Variants in ZNF688 observed in about 807,000 individuals in gnomAD.
The protein encoded by ZNF688 is zinc finger protein 688.
A neutral mutation model predicts 13.2 loss-of-function variants in ZNF688; 10 were observed. The ratio of observed to expected loss-of-function variants is 0.76; its 90% CI spans 0.47 to 1.28. The LOEUF (loss-of-function observed/expected upper bound fraction) is 1.28, where lower values mean the gene tolerates loss of function less well. Among genes scored for constraint, ZNF688 ranks in the 50% most tolerant of loss-of-function variants. ZNF688 has a pLI of 0.00. For missense variants in ZNF688, 381 were observed against 391.4 expected, an observed-to-expected ratio of 0.97 and a Z score of 0.22; for synonymous variants, 160 against 159.4, an observed-to-expected ratio of 1.00 and a Z score of -0.03.
rs747075660 is a variant in ZNF688 at position 30,571,490 on chromosome 16, T to G, written c.140A>C (p.Gln47Pro). Residue 47 changes from glutamine to proline, a missense_variant, in exon 1 of 3, where the codon CAG (glutamine) becomes CCG (proline). By Grantham distance (76) the Gln-to-Pro change is moderately conservative. Transcript: ENST00000223459. ...CATCACGTCCCGGTACAGAGCCCTC[T>G]GCGCGGGCCGCAGACAGCCCCACTC... ...PEEWGCLRPA[Q>P]RALYRDVMQE... is the part of the protein sequence containing the mutation. The G allele has an allele frequency of 1.3e-4, 213 of 1,590,490 alleles. No individual in the cohort carries two copies. Among genetic ancestry groups the G allele is most frequent in the Non-Finnish European group, 1.8e-4 (209 of 1,169,684 alleles).
At chr16:30,578,471 C>T in the ZNF688 span, 3 of 152,198 alleles carry the variant, frequency 2.0e-5, no homozygotes, top group East Asian at 1.9e-4. Context: ...GGGCTTCAAT[C>T]GACTTTACTT....
intron 2 of ZNF688, 149 bp downstream of exon 2, chr16:30,570,861 A>G: frequency 2.2e-6 from 2 of 889,502 alleles, no homozygotes; most frequent in Non-Finnish European, 1.8e-6. Context: ...TGTTCTGAAA[A>G]CTTTGTACCA....
Position 30,570,343 on chromosome 16 carries a change from A to G in ZNF688, c.404T>C (p.Leu135Pro), listed in dbSNP as rs760643468. 1 of 1,613,988 alleles carries G rather than the reference A, an allele frequency of 6.2e-7. No individual in the cohort carries two copies. The highest frequency in any genetic ancestry group is 8.5e-7 in the Non-Finnish European group (1 of 1,180,046). The change falls in exon 3 of 3, where the codon CTG becomes CCG. Residue 135 changes from leucine to proline, a missense_variant. Leu to Pro is a moderately conservative substitution (Grantham distance 98, BLOSUM62 -3). Coordinates refer to ENST00000223459, the MANE Select transcript of ZNF688 (RefSeq NM_145271.4). Reference protein sequence around the residue: ...KAPVKESPEVLVERNPDPAIS... With the variant: ...KAPVKESPEVPVERNPDPAIS... Reference sequence around the variant, plus strand: ...AGCTGGGTCAGGGTTGCGTTCCACCAGCACTTCAGGACTCTCCTTCACAGG... The same window carrying G: ...AGCTGGGTCAGGGTTGCGTTCCACCGGCACTTCAGGACTCTCCTTCACAGG...
upstream of ZNF688, chr16:30,572,217 G>A (rs370108393): frequency 1.9e-6 from 3 of 1,603,556 alleles, no homozygotes; most frequent in Non-Finnish European, 2.6e-6. Flanking sequence ...GCATTTGAAG[G>A]GACCCCGCGG....
Position 30,570,962 on chromosome 16 carries a change from C to T in ZNF688, c.310+48G>A, listed in dbSNP as rs773236211. 55 of 1,595,092 alleles carry T rather than the reference C, an allele frequency of 3.4e-5. 1 individual carries two copies. The highest frequency in any genetic ancestry group is 4.7e-5 in the Non-Finnish European group (55 of 1,163,860). Reference sequence around the variant, plus strand: ...GGGCCTGAAAAGAAACTCTGCTAGACAGGAAGCCCTGGAAAACCAAGTGGG... The same window carrying T: ...GGGCCTGAAAAGAAACTCTGCTAGATAGGAAGCCCTGGAAAACCAAGTGGG... On this transcript the variant is annotated intron_variant, in intron 2 of 2. Coordinates refer to ENST00000223459, the MANE Select transcript of ZNF688 (RefSeq NM_145271.4).
In ZNF688 at chr16:30,571,476, G is replaced by A; in HGVS notation, c.154C>T (p.Arg52Trp). The A allele has an allele frequency of 6.3e-7, 1 of 1,589,234 alleles. No individual in the cohort carries two copies. The highest frequency in any genetic ancestry group is 8.6e-7 in the Non-Finnish European group (1 of 1,168,950). The stretch of plus-strand genomic sequence containing the variant: ...CCGTAGGTCTCCTGCATCACGTCCC[G>A]GTACAGAGCCCTCTGCGCGGGCCGC... Reference protein sequence around the residue: ...CLRPAQRALYRDVMQETYGHL... With the variant: ...CLRPAQRALYWDVMQETYGHL... Residue 52 changes from arginine (R) to tryptophan (W), a missense_variant, in exon 1 of 3, where the codon CGG becomes TGG. Physicochemically the swap from Arg to Trp is moderately radical, Grantham distance 101. Coordinates refer to ENST00000223459, the MANE Select transcript of ZNF688 (RefSeq NM_145271.4).
chr16:30,571,117 G>C lies in ZNF688; in HGVS notation c.203C>G (p.Pro68Arg). 6.4e-7 allele frequency: 1 copy of C among 1,574,702 alleles called. No homozygotes were observed. The highest frequency in any genetic ancestry group is 8.6e-7 in the Non-Finnish European group (1 of 1,160,854). ...AGAGATGAGGGCTGGTTTGGGGCCTGGGAATCCTGGGAGAGAACAGGGATC... is the reference window on the plus strand; with the variant it reads ...AGAGATGAGGGCTGGTTTGGGGCCTCGGAATCCTGGGAGAGAACAGGGATC... The part of the protein sequence containing the change: ...TYGHLGALGF[P>R]GPKPALISWM... Residue 68 changes from proline to arginine, a missense_variant, in exon 2 of 3, where the codon CCA becomes CGA. Transcript: ENST00000223459.
At position 30,571,661 on chromosome 16, in the gene ZNF688, G is replaced by GGTCCCTGGAGCCGCCGC. The variant is rs2051688226; in HGVS notation, c.-49_-33dup. The GGTCCCTGGAGCCGCCGC allele has an allele frequency of 7.3e-7, 1 of 1,367,928 alleles. No homozygotes were observed. Among genetic ancestry groups the GGTCCCTGGAGCCGCCGC allele is most frequent in the African/African-American group, 1.5e-5 (1 of 64,882 alleles). The allele number at this position is 1,367,928 out of a possible 1,614,324, so 84.7% of individuals were successfully genotyped here. On this transcript the variant is annotated 5_prime_UTR_variant, in exon 1 of 3. Coordinates refer to ENST00000223459, the MANE Select transcript of ZNF688 (RefSeq NM_145271.4). ...TCGCAGCCCCGATCGGCGGCCGCCA[G>GGTCCCTGGAGCCGCCGC]GTCCCTGGAGCCGCCGCCTCCCCGC... is the stretch of plus-strand genomic sequence containing the variant.
rs1247406304 is a variant in ZNF688, at chr16:30,571,551, TCA to T, written c.77_78del (p.Val26GlufsTer57). ...TRPGCRKPGT[V>X]SFADVAVYFS... Reference sequence around the variant, plus strand: ...AAGTACACGGCCACGTCCGCGAAGCTCACAGTCCCGGGCTTCCTGCAACCAGG... The same window carrying T: ...AAGTACACGGCCACGTCCGCGAAGCTCAGTCCCGGGCTTCCTGCAACCAGG... On this transcript the variant is annotated frameshift_variant, in exon 1 of 3. Coordinates refer to ENST00000223459, the MANE Select transcript of ZNF688 (RefSeq NM_145271.4). LOFTEE classifies it high-confidence loss of function. The T allele has an allele frequency of 6.3e-7, 1 of 1,580,946 alleles. No individual in the cohort carries two copies. Among genetic ancestry groups the T allele is most frequent in the Non-Finnish European group, 8.6e-7 (1 of 1,164,460 alleles).
upstream of ZNF688, among the ~76,000 whole-genome samples, chr16:30,575,086 TTCATTTG>T (rs1220697259): frequency 1.3e-5 from 2 of 152,210 alleles, no homozygotes; most frequent in East Asian, 3.8e-4. Flanking sequence ...ATTTTCTTTA[TTCATTTG>T]TCCCCTGATC....
At chr16:30,575,790 G>C (rs973698384), upstream of ZNF688, among the ~76,000 whole-genome samples, 1 of 152,056 alleles carries the variant, frequency 6.6e-6, no homozygotes, top group Non-Finnish European at 1.5e-5. Flanking sequence ...CCAAGTAGCT[G>C]GGATTACAGG....
chr16:30,571,284 AG>A (rs1406067880), intron 1 of ZNF688, 149 bp downstream of exon 1: 24 of 1,538,000 alleles, frequency 1.6e-5, no homozygotes, highest in Non-Finnish European at 1.8e-5. Flanking sequence ...AACACTCCCG[AG>A]GGGGTACCTG....
upstream of ZNF688, among the ~76,000 whole-genome samples, chr16:30,573,281 TC>T: frequency 6.6e-6 from 1 of 152,288 alleles, no homozygotes; most frequent in Non-Finnish European, 1.5e-5. Flanking sequence ...ATTTTTTTTT[TC>T]CTGGGAAACC....
the ZNF688 span, chr16:30,579,843 C>A: frequency 2.2e-6 from 1 of 455,888 alleles, no homozygotes; most frequent in East Asian, 6.9e-5. Flanking sequence ...GTAGGGCTAG[C>A]AGATCTAAAT....
At chr16:30,573,067 C>T (rs1385833198), upstream of ZNF688, among the ~76,000 whole-genome samples, 1 of 152,090 alleles carries the variant, frequency 6.6e-6, no homozygotes, top group Non-Finnish European at 1.5e-5. Context: ...CCACCATGCC[C>T]GTCTAATTTT....
the ZNF688 span, chr16:30,579,834 T>C: frequency 4.4e-6 from 2 of 455,936 alleles, no homozygotes; most frequent in Non-Finnish European, 8.8e-6. Context: ...TCTTCAAAAG[T>C]AGGGCTAGCA....
rs200819200 is a variant in ZNF688 at position 30,571,098 on chromosome 16, G to A, written c.222C>T (p.Leu74=). 4.4e-6 allele frequency: 7 copies of A among 1,593,044 alleles called. No individual in the cohort carries two copies. The highest frequency in any genetic ancestry group is 3.4e-6 in the Non-Finnish European group (4 of 1,170,224). Residue 74 remains leucine, a synonymous_variant, in exon 2 of 3, where the codon CTC becomes CTT. Coordinates refer to ENST00000223459, the MANE Select transcript of ZNF688 (RefSeq NM_145271.4). ...CACTCTCCTGTTCCATCCAAGAGAT[G>A]AGGGCTGGTTTGGGGCCTGGGAATC... ...ALGFPGPKPA[L]ISWMEQESEA...
At chr16:30,572,340 A>C (rs1180145846), upstream of ZNF688, 2 of 1,401,514 alleles carry the variant, frequency 1.4e-6, no homozygotes, top group East Asian at 5.4e-5. Context: ...GGGAGCTGGA[A>C]TTTGGTCCCC....
At chr16:30,574,718 A>C (rs7206204), upstream of ZNF688, among the ~76,000 whole-genome samples, 513 of 152,284 alleles carry the variant, frequency 3.4e-3, 2 homozygotes, top group African/African-American at 0.012. Flanking sequence ...GTGTTGGGAA[A>C]ATTTCAAGTC....
Sources: gnomAD v4.1 joint callset for allele counts (sites outside exome capture counted in the v4.1 genomes callset) on GRCh38, gnomAD v4.1.1 for gene constraint, MANE v1.5 for transcripts, NCBI Gene and HGNC (gene_info 2026-07-23, HGNC 2026-07-21) for gene names.